The following TADA2A variants were observed in gnomAD, a reference collection of about 807,000 sequenced individuals.
The protein encoded by TADA2A is transcriptional adaptor 2A.
TADA2A carries 38 observed loss-of-function variants against 67.4 expected under a neutral mutation model. The ratio of observed to expected loss-of-function variants is 0.56; its 90% CI spans 0.44 to 0.74. The LOEUF (loss-of-function observed/expected upper bound fraction) is 0.74, where lower values mean the gene tolerates loss of function less well. Ranked by LOEUF, TADA2A falls within the 30% of genes least tolerant of loss-of-function variation. The pLI is 0.00. For synonymous variants in TADA2A, 192 were observed against 181.6 expected (o/e 1.06, Z -0.46); for missense variants, 454 against 547.0 (o/e 0.83, Z 1.70).
intron 4 of TADA2A, among the ~76,000 whole-genome samples, chr17:37,430,309 G>A (rs748414952): frequency 1.3e-5 from 2 of 152,076 alleles, no homozygotes; most frequent in Non-Finnish European, 2.9e-5. Flanking sequence ...CTTCCTTTTT[G>A]TGGCCCATCT....
chr17:37,421,437 A>G (rs1044707878), intron 2 of TADA2A, among the ~76,000 whole-genome samples: 1 of 146,744 alleles, frequency 6.8e-6, no homozygotes, highest in Non-Finnish European at 1.5e-5. Flanking sequence ...CCGAACTCAA[A>G]TATAAAATAG....
intron 2 of TADA2A, among the ~76,000 whole-genome samples, chr17:37,418,869 A>G (rs1328337204): frequency 6.7e-6 from 1 of 150,350 alleles, no homozygotes; most frequent in South Asian, 2.1e-4. Context: ...GATTACAGGT[A>G]TGAGCCACCG....
chr17:37,458,434 G>T, intron 8 of TADA2A, 90 bp from the exon 9 acceptor site: 1 of 899,268 alleles, frequency 1.1e-6, no homozygotes, highest in Non-Finnish European at 1.5e-6. Context: ...TCAAAGTTTG[G>T]GTAAAAGATT....
At chr17:37,431,837 A>G (rs1325863878) in intron 4 of TADA2A, among the ~76,000 whole-genome samples, 1 of 152,104 alleles carries the variant, frequency 6.6e-6, no homozygotes, top group Non-Finnish European at 1.5e-5. Context: ...AAGTGCTGGG[A>G]TGACAAGCGT....
At chr17:37,439,250 C>T (rs149260325) in intron 5 of TADA2A, among the ~76,000 whole-genome samples, 27 of 152,066 alleles carry the variant, frequency 1.8e-4, no homozygotes, top group African/African-American at 5.1e-4. Context: ...AACAGGTGTG[C>T]GCCACCATAC....
At chr17:37,461,960 G>T in intron 9 of TADA2A, 118 bp from the exon 10 acceptor site, 3 of 780,448 alleles carry the variant, frequency 3.8e-6, no homozygotes, top group Non-Finnish European at 6.2e-6. Context: ...GACTTCTTTG[G>T]ACCTCTGTAT....
intron 2 of TADA2A, among the ~76,000 whole-genome samples, chr17:37,413,701 C>T (rs2051949686): frequency 6.6e-6 from 1 of 152,070 alleles, no homozygotes; most frequent in Admixed American, 6.6e-5. Flanking sequence ...CATAAGCCAC[C>T]ATGCCTGGCC....
chr17:37,418,439 A>G (rs1295760283), intron 2 of TADA2A, among the ~76,000 whole-genome samples: 1 of 151,970 alleles, frequency 6.6e-6, no homozygotes, highest in Non-Finnish European at 1.5e-5. Context: ...CCTAGGGGGG[A>G]GTTGAGTACA....
chr17:37,439,322 G>A (rs941700243), intron 5 of TADA2A, among the ~76,000 whole-genome samples: 4 of 151,746 alleles, frequency 2.6e-5, no homozygotes, highest in Non-Finnish European at 4.4e-5. Context: ...TTGCTCTGTC[G>A]CCCAGGGTGG....
At chr17:37,426,894 C>T in intron 3 of TADA2A, 56 bp from the exon 4 acceptor site, 3 of 1,493,976 alleles carry the variant, frequency 2.0e-6, no homozygotes, top group Non-Finnish European at 2.7e-6. Context: ...TAACACAAAC[C>T]TCCTCTGTCC....
rs145532766 is a variant in TADA2A, at chr17:37,452,272, G to A, written c.605-6252G>A. Among the ~76,000 whole-genome samples the A allele has an allele frequency of 5.7e-3, 860 of 151,976 alleles. 10 individuals are homozygous for A. Among genetic ancestry groups the A allele is most frequent in the African/African-American group, 0.02 (811 of 41,444 alleles). On this transcript the variant is annotated intron_variant, in intron 8 of 15. Coordinates refer to ENST00000615182, the MANE Select transcript of TADA2A (RefSeq NM_001166105.3). ...ACAAAAATTAGCTGGGTATGGTGGC[G>A]TGCACCTGTAATCCCAGTTACTTGG...
At chr17:37,426,039 A>G (rs1006964281) in intron 3 of TADA2A, among the ~76,000 whole-genome samples, 1 of 151,790 alleles carries the variant, frequency 6.6e-6, no homozygotes, top group African/African-American at 2.4e-5. Context: ...CAGTGGTATA[A>G]TCATAGCTCA....
intron 10 of TADA2A, among the ~76,000 whole-genome samples, chr17:37,462,877 CAAAAT>C (rs2053579552): frequency 6.6e-6 from 1 of 151,866 alleles, no homozygotes; most frequent in Admixed American, 6.6e-5. Context: ...TATAGACAGA[CAAAAT>C]AAATGATATT....
intron 9 of TADA2A, among the ~76,000 whole-genome samples, chr17:37,459,593 T>TG (rs111966648): frequency 0.12 from 17,994 of 149,928 alleles, 1,305 homozygotes; most frequent in East Asian, 0.25. Flanking sequence ...TTTTTTTTTT[T>TG]TTGTTAAATA....
intron 4 of TADA2A, among the ~76,000 whole-genome samples, chr17:37,432,281 C>G (rs1374453696): frequency 6.6e-6 from 1 of 152,138 alleles, no homozygotes; most frequent in Non-Finnish European, 1.5e-5. Context: ...TCTCCTGCCT[C>G]AGCCTCCCAG....
Position 37,470,531 on chromosome 17 carries a change from A to T in TADA2A, c.1027A>T (p.Ile343Phe). The T allele has an allele frequency of 6.4e-7, 1 of 1,558,186 alleles. No individual in the cohort carries two copies. Among genetic ancestry groups the T allele is most frequent in the South Asian group, 1.2e-5 (1 of 82,146 alleles). The change falls in exon 13 of 16, where the codon ATT (isoleucine) becomes TTT (phenylalanine). Residue 343 changes from isoleucine to phenylalanine, a missense_variant and splice_region_variant. Physicochemically the swap from Ile to Phe is conservative, Grantham distance 21. Transcript: ENST00000615182. Reference protein sequence around the residue: ...CQQWLRRQADIDSGLSPSIPM... With the variant: ...CQQWLRRQADFDSGLSPSIPM... ...GCAGTGGCTCCGCCGGCAAGCTGAC[A>T]TGTGAGTAATTACTCCAGGGTGAAG...
intron 6 of TADA2A, among the ~76,000 whole-genome samples, chr17:37,442,198 CTTTTTTTTT>C (rs760306260): frequency 1.2e-4 from 9 of 75,396 alleles, no homozygotes; most frequent in South Asian, 4.3e-4. Flanking sequence ...TTTTTCCCGT[CTTTTTTTTT>C]TTTTTTTTTT....
At chr17:37,454,087 C>G (rs780060185) in intron 8 of TADA2A, 1 of 151,496 alleles carries the variant, frequency 6.6e-6, no homozygotes, top group Non-Finnish European at 1.5e-5. Context: ...AGAACTGATT[C>G]TAATACGTAG....
intron 8 of TADA2A, among the ~76,000 whole-genome samples, chr17:37,447,545 T>G (rs2053118901): frequency 6.6e-6 from 1 of 152,080 alleles, no homozygotes; most frequent in African/African-American, 2.4e-5. Flanking sequence ...GAGGCCAAAG[T>G]GGGAGGATTT....
Sources: allele counts gnomAD v4.1 joint callset (sites outside exome capture counted in the v4.1 genomes callset), GRCh38; gene constraint gnomAD v4.1.1; transcripts MANE v1.5; gene names NCBI Gene and HGNC (gene_info 2026-07-23, HGNC 2026-07-21).